Variants in GABRG1 observed in about 807,000 individuals in gnomAD.
The protein encoded by GABRG1 is gamma-aminobutyric acid receptor subunit gamma-1.
In GABRG1, 49 loss-of-function variants were observed where a neutral mutation model predicts 49.8. That is an observed-to-expected ratio of 0.98 (90% CI 0.78 to 1.25). The LOEUF (loss-of-function observed/expected upper bound fraction) is 1.25. Ranked by LOEUF, GABRG1 falls within the 50% of genes most tolerant of loss-of-function variation. GABRG1 has a pLI of 0.00. For missense variants in GABRG1, 552 were observed against 552.3 expected (o/e 1.00, Z 0.01); for synonymous variants, 232 against 185.1 (o/e 1.25, Z -2.06).
chr4:46,080,431 C>A (rs1265655438), intron 3 of GABRG1, among the ~76,000 whole-genome samples: 10 of 151,862 alleles, frequency 6.6e-5, no homozygotes, highest in African/African-American at 2.4e-4. Context: ...CAATGCTTTT[C>A]TTTTTAATAA....
rs1717520552 is a variant in GABRG1 at position 46,036,276 on chromosome 4, T to G, written c.*4712A>C. The stretch of plus-strand genomic sequence containing the variant: ...TCTACCTGCAATTCTCTTATTCTCT[T>G]TGTCCAAATATATATATAATTTTAT... On this transcript the variant is annotated 3_prime_UTR_variant, in exon 9 of 9. Coordinates refer to ENST00000295452, the MANE Select transcript of GABRG1 (RefSeq NM_173536.4). 6.6e-6 allele frequency: 1 copy of G among 151,748 alleles called. No individual in the cohort carries two copies. The highest frequency in any genetic ancestry group is 2.4e-5 in the African/African-American group (1 of 41,388). 9.4% of individuals were successfully genotyped at this position (151,748 alleles called of 1,614,324 possible).
At chr4:46,045,628 A>G (rs34589160) in intron 8 of GABRG1, among the ~76,000 whole-genome samples, 6,242 of 152,164 alleles carry the variant, frequency 0.041, 202 homozygotes, top group Admixed American at 0.076. Context: ...TTTATCTGCA[A>G]AGAATGATAA....
At chr4:46,042,806 T>A (rs1010453711) in intron 8 of GABRG1, among the ~76,000 whole-genome samples, 1 of 151,956 alleles carries the variant, frequency 6.6e-6, no homozygotes, top group African/African-American at 2.4e-5. Context: ...CAGGTCACAA[T>A]ATTCATATTA....
chr4:46,098,294 C>T (rs1202910311), intron 1 of GABRG1, among the ~76,000 whole-genome samples: 1 of 151,642 alleles, frequency 6.6e-6, no homozygotes, highest in Non-Finnish European at 1.5e-5. Context: ...TAAGTAACGC[C>T]ATCTTCTTTT....
chr4:46,119,820 G>A (rs961562158), intron 1 of GABRG1, among the ~76,000 whole-genome samples: 1 of 151,540 alleles, frequency 6.6e-6, no homozygotes, highest in Admixed American at 6.6e-5. Context: ...AGCATAAGCT[G>A]CATTTAAAAG....
At chr4:46,115,306 T>C (rs1274008515) in intron 1 of GABRG1, among the ~76,000 whole-genome samples, 3 of 150,716 alleles carry the variant, frequency 2.0e-5, no homozygotes, top group Non-Finnish European at 4.5e-5. Context: ...ATACAATATA[T>C]GATAAAAGTG....
At chr4:46,058,166 A>C in intron 7 of GABRG1, 51 bp downstream of exon 7, 5 of 1,522,666 alleles carry the variant, frequency 3.3e-6, no homozygotes, top group Non-Finnish European at 4.4e-6. Context: ...ATCACATCAA[A>C]ATGATTTTTT....
intron 2 of GABRG1, among the ~76,000 whole-genome samples, chr4:46,085,651 G>A (rs1053335742): frequency 2.6e-5 from 4 of 151,326 alleles, no homozygotes; most frequent in African/African-American, 9.7e-5. Flanking sequence ...TTGAAACCAC[G>A]GCTGGTGATA....
At chr4:46,081,736 C>T (rs1719582439) in intron 3 of GABRG1, among the ~76,000 whole-genome samples, 1 of 151,842 alleles carries the variant, frequency 6.6e-6, no homozygotes, top group African/African-American at 2.4e-5. Flanking sequence ...CCGAGAACTT[C>T]AGAATGTGAC....
chr4:46,088,352 C>A (rs1187879131), intron 2 of GABRG1, among the ~76,000 whole-genome samples: 2 of 151,914 alleles, frequency 1.3e-5, no homozygotes, highest in Non-Finnish European at 2.9e-5. Context: ...ATAGTCTGAA[C>A]CTAGAAGATA....
chr4:46,051,301 A>G, intron 8 of GABRG1, 123 bp downstream of exon 8: 1 of 702,812 alleles, frequency 1.4e-6, no homozygotes, highest in Non-Finnish European at 2.3e-6. Flanking sequence ...GTTTCATCTT[A>G]ACTTTGTCTT....
At chr4:46,062,723 A>T (rs1336825736) in intron 5 of GABRG1, among the ~76,000 whole-genome samples, 1 of 152,194 alleles carries the variant, frequency 6.6e-6, no homozygotes, top group Non-Finnish European at 1.5e-5. Flanking sequence ...AGAGGAAGTC[A>T]AATTGTCCCT....
chr4:46,106,789 ATT>A (rs34521459), intron 1 of GABRG1, among the ~76,000 whole-genome samples: 42 of 149,936 alleles, frequency 2.8e-4, no homozygotes, highest in Middle Eastern at 3.4e-3. Context: ...GTTACTGTAA[ATT>A]TTTTTTTTTG....
At chr4:46,099,990 C>T (rs1460390197) in intron 1 of GABRG1, among the ~76,000 whole-genome samples, 2 of 151,612 alleles carry the variant, frequency 1.3e-5, no homozygotes, top group Non-Finnish European at 1.5e-5. Context: ...ATACTTTGAG[C>T]CTGTACTTCT....
intron 8 of GABRG1, among the ~76,000 whole-genome samples, chr4:46,047,029 T>G (rs1313431472): frequency 6.6e-6 from 1 of 152,122 alleles, no homozygotes; most frequent in Non-Finnish European, 1.5e-5. Flanking sequence ...TTTCCTACTT[T>G]CAAGATAAAC....
At chr4:46,091,138 G>A (rs752760131) in intron 2 of GABRG1, among the ~76,000 whole-genome samples, 1 of 151,884 alleles carries the variant, frequency 6.6e-6, no homozygotes, top group Non-Finnish European at 1.5e-5. Flanking sequence ...GCTATTTTAG[G>A]GATGTCTGAC....
intron 8 of GABRG1, among the ~76,000 whole-genome samples, chr4:46,046,978 C>G (rs1718023503): frequency 6.6e-6 from 1 of 152,044 alleles, no homozygotes; most frequent in South Asian, 2.1e-4. Flanking sequence ...ACTCTTCTAT[C>G]CTCAACATAG....
chr4:46,082,230 T>C (rs1719603701), intron 3 of GABRG1, among the ~76,000 whole-genome samples: 1 of 151,832 alleles, frequency 6.6e-6, no homozygotes, highest in Non-Finnish European at 1.5e-5. Flanking sequence ...TTATTCTATG[T>C]ATAAAACATA....
chr4:46,122,945 T>A (rs1721132866), intron 1 of GABRG1, among the ~76,000 whole-genome samples: 4 of 152,114 alleles, frequency 2.6e-5, no homozygotes, highest in African/African-American at 9.7e-5. Flanking sequence ...CTCCTACGTA[T>A]AATCGAAGAA....
Sources: gnomAD v4.1 joint callset for allele counts (sites outside exome capture counted in the v4.1 genomes callset) on GRCh38, gnomAD v4.1.1 for gene constraint, MANE v1.5 for transcripts, NCBI Gene and HGNC (gene_info 2026-07-23, HGNC 2026-07-21) for gene names.